LAMA2: variants seen among roughly 807,000 people sequenced by gnomAD.
The protein encoded by LAMA2 is laminin subunit alpha-2.
In LAMA2, 269 loss-of-function variants were observed where a neutral mutation model predicts 364.8. That is an observed-to-expected ratio of 0.74 (90% CI 0.67 to 0.82). LAMA2 has a LOEUF of 0.82. LAMA2 is among the 40% of genes least tolerant of loss of function. LAMA2 has a pLI of 0.00. For missense variants in LAMA2, 3,807 were observed against 3,873.2 expected, an observed-to-expected ratio of 0.98 and a Z score of 0.45; for synonymous variants, 1,379 against 1,370.6, an observed-to-expected ratio of 1.01 and a Z score of -0.14.
rs183183076 is a variant in LAMA2 at position 128,998,132 on chromosome 6, G to A, written c.113-51786G>A. The stretch of plus-strand genomic sequence containing the variant: ...AGGAGGAAAAGAGGTCAGCGAGGAG[G>A]TAAAGAGCCTGGGCACAGTCATGTT... On this transcript the variant is annotated intron_variant, in intron 1 of 64. Coordinates refer to ENST00000421865, the MANE Select transcript of LAMA2 (RefSeq NM_000426.4). 9.2e-5 allele frequency among the ~76,000 whole-genome samples: 14 copies of A among 152,244 alleles called. No individual in the cohort carries two copies. In the East Asian group the frequency reaches 2.3e-3, roughly 25 times the overall value.
rs1237772612 is a variant in LAMA2 at position 129,105,895 on chromosome 6, C to A, written c.639+7480C>A. Among the ~76,000 whole-genome samples, 3 of 152,154 alleles carry A rather than the reference C, an allele frequency of 2.0e-5. No individual in the cohort carries two copies. The East Asian group carries it at 5.8e-4, about 29-fold the overall frequency. On this transcript the variant is annotated intron_variant, in intron 4 of 64. Transcript: ENST00000421865. ...GAGACTTTTCCCTTTCTTTGACTCA[C>A]ATTATTGCTTTTAATTTATTTGGAT...
chr6:129,450,858 G>C (rs1283912243), intron 45 of LAMA2, among the ~76,000 whole-genome samples: 1 of 152,056 alleles, frequency 6.6e-6, no homozygotes, highest in Non-Finnish European at 1.5e-5. Flanking sequence ...TGTTCACTTT[G>C]ATCCTCTTAT....
intron 32 of LAMA2, among the ~76,000 whole-genome samples, chr6:129,362,599 C>G (rs72979135): frequency 7.2e-4 from 109 of 152,320 alleles, no homozygotes; most frequent in Admixed American, 1.2e-3. Flanking sequence ...TAACTGTGTA[C>G]AAGACCCTTT....
rs73773661 is a variant in LAMA2 at position 129,070,858 on chromosome 6, T to C, written c.396+10962T>C. Among the ~76,000 whole-genome samples the C allele has an allele frequency of 6.7e-3, 1,015 of 152,286 alleles. 7 individuals are homozygous for C. The highest frequency in any genetic ancestry group is 0.023 in the African/African-American group (959 of 41,564). On this transcript the variant is annotated intron_variant, in intron 3 of 64. Transcript: ENST00000421865. Reference sequence around the variant, plus strand: ...GATCTGTGTGTATCTAAGTGAAGCATGTACACAGAAAAGGTGACAAATAAA... The same window carrying C: ...GATCTGTGTGTATCTAAGTGAAGCACGTACACAGAAAAGGTGACAAATAAA...
At chr6:129,479,522 G>C (rs1302098606) in intron 54 of LAMA2, 1 of 152,162 alleles carries the variant, frequency 6.6e-6, no homozygotes, top group Non-Finnish European at 1.5e-5. Flanking sequence ...ATATCCATAA[G>C]CAAGAGTCAA....
At chr6:129,312,353 A>C (rs1195139556) in intron 22 of LAMA2, among the ~76,000 whole-genome samples, 1 of 152,196 alleles carries the variant, frequency 6.6e-6, no homozygotes, top group African/African-American at 2.4e-5. Context: ...GGATTCCCCA[A>C]GTCTAGTCTG....
chr6:129,364,712 G>C (rs901476588), intron 32 of LAMA2, among the ~76,000 whole-genome samples: 7 of 152,128 alleles, frequency 4.6e-5, no homozygotes, highest in Non-Finnish European at 2.9e-5. Flanking sequence ...GCACCTCTTT[G>C]ATGGCCAAAA....
intron 3 of LAMA2, among the ~76,000 whole-genome samples, chr6:129,081,730 T>G (rs1774069221): frequency 6.6e-6 from 1 of 152,178 alleles, no homozygotes; most frequent in Non-Finnish European, 1.5e-5. Context: ...CTCTCAGTAT[T>G]CACAAGGAAT....
At chr6:128,884,598 A>G (rs1364519529) in intron 1 of LAMA2, among the ~76,000 whole-genome samples, 2 of 152,206 alleles carry the variant, frequency 1.3e-5, no homozygotes, top group African/African-American at 4.8e-5. Flanking sequence ...TTCTTGGAAT[A>G]AAAATGACCT....
intron 41 of LAMA2, among the ~76,000 whole-genome samples, chr6:129,432,448 T>C (rs1205407138): frequency 1.3e-5 from 2 of 152,156 alleles, no homozygotes; most frequent in Non-Finnish European, 2.9e-5. Flanking sequence ...CTCCTGTATA[T>C]CATCTCAGCA....
At chr6:128,893,222 G>A (rs939438020) in intron 1 of LAMA2, among the ~76,000 whole-genome samples, 4 of 151,672 alleles carry the variant, frequency 2.6e-5, no homozygotes, top group Non-Finnish European at 4.4e-5. Flanking sequence ...CTATTTCATG[G>A]GGTTGTTATA....
rs762769139 is a variant in LAMA2, at chr6:129,492,126, T to C, written c.8075+49T>C. On this transcript the variant is annotated intron_variant, in intron 57 of 64. Coordinates refer to ENST00000421865, the MANE Select transcript of LAMA2 (RefSeq NM_000426.4). ...CTACTAATTTTTTATTTTTATTTCT[T>C]GCTATTAGGGGTCCCAATGCATCTA... 7.1e-6 allele frequency: 11 copies of C among 1,551,174 alleles called. No individual in the cohort carries two copies. In the African/African-American group the frequency reaches 8.2e-5, roughly 12 times the overall value.
At chr6:129,009,356 T>C (rs528256207) in intron 1 of LAMA2, among the ~76,000 whole-genome samples, 2 of 152,318 alleles carry the variant, frequency 1.3e-5, no homozygotes, top group South Asian at 2.1e-4. Flanking sequence ...TGACTGTTTT[T>C]TCAAAAAAGC....
At chr6:128,945,869 T>A (rs1049353405) in intron 1 of LAMA2, among the ~76,000 whole-genome samples, 3 of 152,230 alleles carry the variant, frequency 2.0e-5, no homozygotes, top group African/African-American at 7.2e-5. Context: ...AATTCGGATA[T>A]AACTCAGGTG....
chr6:129,314,500 T>C (rs1289109291), intron 23 of LAMA2, among the ~76,000 whole-genome samples, 155 bp from the exon 24 acceptor site: 1 of 151,968 alleles, frequency 6.6e-6, no homozygotes, highest in Non-Finnish European at 1.5e-5. Context: ...TGAGGTTAAC[T>C]ACATGTGCCA....
intron 29 of LAMA2, among the ~76,000 whole-genome samples, chr6:129,340,692 C>T (rs1776209552): frequency 6.6e-6 from 1 of 151,594 alleles, no homozygotes; most frequent in Admixed American, 6.6e-5. Context: ...AAAAAATTAG[C>T]CTGGCGTGGT....
chr6:129,059,853 G>C lies in LAMA2; in HGVS notation c.353G>C (p.Gly118Ala), dbSNP rs1178373769. Reference sequence around the variant, plus strand: ...TGGCAGAGTCCCAGTATTAAGAATGGAATCGAATACCATTATGTGACAATT... The same window carrying C: ...TGGCAGAGTCCCAGTATTAAGAATGCAATCGAATACCATTATGTGACAATT... Reference protein sequence around the residue: ...TWWQSPSIKNGIEYHYVTITL... With the variant: ...TWWQSPSIKNAIEYHYVTITL... The change falls in exon 3 of 65, where the codon GGA becomes GCA. Residue 118 changes from glycine to alanine, a missense_variant. This residue lies in a region of LAMA2 where 394 missense variants were observed against 403.5 expected (regional missense o/e 0.98). Coordinates refer to ENST00000421865, the MANE Select transcript of LAMA2 (RefSeq NM_000426.4). 3.7e-6 allele frequency: 6 copies of C among 1,607,104 alleles called. No individual in the cohort carries two copies. The highest frequency in any genetic ancestry group is 5.1e-6 in the Non-Finnish European group (6 of 1,173,724).
intron 1 of LAMA2, among the ~76,000 whole-genome samples, chr6:129,018,355 A>T (rs943359891): frequency 6.6e-6 from 1 of 152,008 alleles, no homozygotes; most frequent in African/African-American, 2.4e-5. Flanking sequence ...ATCTTCACAT[A>T]TGAAAAGAAT....
At chr6:129,159,452 C>A (rs948788913) in intron 8 of LAMA2, among the ~76,000 whole-genome samples, 4 of 152,228 alleles carry the variant, frequency 2.6e-5, no homozygotes, top group Non-Finnish European at 5.9e-5. Flanking sequence ...GTGATGGAGG[C>A]GCCCCGGCCG....
Sources: gnomAD v4.1 joint callset for allele counts (sites outside exome capture counted in the v4.1 genomes callset) on GRCh38, gnomAD v4.1.1 for gene constraint, gnomAD v4.1.1 regional missense constraint, MANE v1.5 for transcripts, NCBI Gene and HGNC (gene_info 2026-07-23, HGNC 2026-07-21) for gene names.